Variants in KHDRBS2 observed in about 807,000 individuals in gnomAD.
KHDRBS2 encodes KH RNA binding domain containing, signal transduction associated 2.
A neutral mutation model predicts 44.3 loss-of-function variants in KHDRBS2; 26 were observed. That is an observed-to-expected ratio of 0.59 (90% CI 0.43 to 0.81). The LOEUF (loss-of-function observed/expected upper bound fraction) is 0.81. Ranked by LOEUF, KHDRBS2 falls within the 40% of genes least tolerant of loss-of-function variation. KHDRBS2 has a pLI of 0.00. For synonymous variants in KHDRBS2, 194 were observed against 151.1 expected, an observed-to-expected ratio of 1.28 and a Z score of -2.08; for missense variants, 476 against 433.1, an observed-to-expected ratio of 1.10 and a Z score of -0.88.
chr6:62,231,013 T>C (rs984002252), intron 1 of KHDRBS2, among the ~76,000 whole-genome samples: 3 of 152,158 alleles, frequency 2.0e-5, no homozygotes, highest in Non-Finnish European at 4.4e-5. Context: ...CACATTTGAG[T>C]TATTAAACAC....
At chr6:62,131,120 G>A (rs1262479733) in intron 2 of KHDRBS2, among the ~76,000 whole-genome samples, 1 of 152,022 alleles carries the variant, frequency 6.6e-6, no homozygotes, top group East Asian at 1.9e-4. Context: ...AATTTATGAG[G>A]ATGAAGCTTA....
At chr6:62,131,858 G>T (rs1403781465) in intron 2 of KHDRBS2, among the ~76,000 whole-genome samples, 1 of 152,166 alleles carries the variant, frequency 6.6e-6, no homozygotes, top group African/African-American at 2.4e-5. Context: ...CATTTTCAAT[G>T]AATGGTTTAT....
chr6:61,689,602 T>G (rs2143771), intron 8 of KHDRBS2, among the ~76,000 whole-genome samples: 29,742 of 151,900 alleles, frequency 0.2, 3,092 homozygotes, highest in African/African-American at 0.24. Context: ...GTGCCAGAAC[T>G]TCTGGATACC....
chr6:61,864,142 T>C (rs1797440307), intron 6 of KHDRBS2, among the ~76,000 whole-genome samples: 1 of 152,108 alleles, frequency 6.6e-6, no homozygotes, highest in Non-Finnish European at 1.5e-5. Context: ...TTTTTCTCCT[T>C]CCCTTTATTT....
intron 4 of KHDRBS2, among the ~76,000 whole-genome samples, chr6:61,971,310 C>G (rs1771360826): frequency 6.6e-6 from 1 of 151,974 alleles, no homozygotes; most frequent in African/African-American, 2.4e-5. Flanking sequence ...TCCTGGCTAT[C>G]TAGTTTAAAT....
intron 8 of KHDRBS2, 80 bp downstream of exon 8, chr6:61,697,115 G>A: frequency 1.0e-6 from 1 of 958,456 alleles, no homozygotes; most frequent in Non-Finnish European, 1.7e-6. Context: ...ACTAGGGGGA[G>A]AAAGATGGAA....
At chr6:61,656,955 T>C in the KHDRBS2 span, among the ~76,000 whole-genome samples, 1 of 152,012 alleles carries the variant, frequency 6.6e-6, no homozygotes, top group African/African-American at 2.4e-5. Context: ...CATGTTTATT[T>C]TGGATTTGTT....
At chr6:61,562,936 C>T in the KHDRBS2 span, among the ~76,000 whole-genome samples, 1 of 152,066 alleles carries the variant, frequency 6.6e-6, no homozygotes, top group Non-Finnish European at 1.5e-5. Flanking sequence ...ATCTGTTTGG[C>T]TATTTCAAAG....
chr6:61,853,841 G>T (rs560121572), intron 6 of KHDRBS2, among the ~76,000 whole-genome samples: 3 of 152,240 alleles, frequency 2.0e-5, no homozygotes, highest in Admixed American at 1.3e-4. Context: ...TGATATTAAG[G>T]TCTGTGAAAG....
chr6:61,700,694 G>A (rs189838303), intron 7 of KHDRBS2, among the ~76,000 whole-genome samples: 60 of 150,630 alleles, frequency 4.0e-4, no homozygotes, highest in African/African-American at 6.3e-4. Flanking sequence ...ATCCTTTCCC[G>A]TTTAAGAATA....
intron 6 of KHDRBS2, among the ~76,000 whole-genome samples, chr6:61,762,025 T>A (rs534075579): frequency 1.3e-5 from 2 of 152,206 alleles, no homozygotes; most frequent in Non-Finnish European, 2.9e-5. Context: ...GTGTTTTTCA[T>A]TGCAAATGAG....
At chr6:62,113,416 G>A (rs1383671640) in intron 2 of KHDRBS2, among the ~76,000 whole-genome samples, 1 of 152,050 alleles carries the variant, frequency 6.6e-6, no homozygotes, top group African/African-American at 2.4e-5. Context: ...ATTACCAAGT[G>A]TTAATTTGGA....
chr6:61,616,491 ATATATAT>A, the KHDRBS2 span, among the ~76,000 whole-genome samples: 1 of 123,446 alleles, frequency 8.1e-6, no homozygotes, highest in Non-Finnish European at 1.8e-5. Flanking sequence ...ATATATATAT[ATATATAT>A]AATGCTATTG....
chr6:61,923,057 G>A (rs1191660681), intron 4 of KHDRBS2, among the ~76,000 whole-genome samples: 3 of 152,074 alleles, frequency 2.0e-5, no homozygotes, highest in South Asian at 2.1e-4. Context: ...TAATGAAACC[G>A]TTAAGTAGAC....
chr6:61,830,070 T>C (rs1262058314), intron 6 of KHDRBS2, among the ~76,000 whole-genome samples: 1 of 152,170 alleles, frequency 6.6e-6, no homozygotes, highest in Non-Finnish European at 1.5e-5. Context: ...ATGCTGAATA[T>C]AGATGATAGT....
chr6:61,615,288 G>C, the KHDRBS2 span, among the ~76,000 whole-genome samples: 1 of 145,722 alleles, frequency 6.9e-6, no homozygotes. Flanking sequence ...GAAGAAATGA[G>C]TTACTAGTTA....
intron 6 of KHDRBS2, among the ~76,000 whole-genome samples, chr6:61,835,559 G>A (rs1415896819): frequency 2.0e-5 from 3 of 151,968 alleles, no homozygotes; most frequent in African/African-American, 4.8e-5. Context: ...AGAAAGACAA[G>A]GACTTATTAT....
At chr6:61,954,856 G>GTGTATACATATATATGTA (rs1562513950) in intron 4 of KHDRBS2, among the ~76,000 whole-genome samples, 3 of 40,798 alleles carry the variant, frequency 7.4e-5, no homozygotes, top group African/African-American at 2.0e-4. Context: ...ATATGCATGT[G>GTGTATACATATATATGTA]TATATACACA....
chr6:61,861,578 T>C (rs919021979), intron 6 of KHDRBS2, among the ~76,000 whole-genome samples: 8 of 132,152 alleles, frequency 6.1e-5, no homozygotes, highest in Non-Finnish European at 1.1e-4. Flanking sequence ...TCTATGTGTC[T>C]TTTTTTTGTA....
Sources: gnomAD v4.1 joint callset for allele counts (sites outside exome capture counted in the v4.1 genomes callset) on GRCh38, gnomAD v4.1.1 for gene constraint, MANE v1.5 for transcripts, NCBI Gene and HGNC (gene_info 2026-07-23, HGNC 2026-07-21) for gene names.